FSTL5: variants seen among roughly 807,000 people sequenced by gnomAD.
FSTL5 encodes follistatin like 5.
In FSTL5, 62 loss-of-function variants were observed where a neutral mutation model predicts 89.1. That is an observed-to-expected ratio of 0.70 (90% CI 0.57 to 0.86). The LOEUF (loss-of-function observed/expected upper bound fraction) is 0.86. Ranked by LOEUF, FSTL5 falls within the 40% of genes least tolerant of loss-of-function variation. FSTL5 has a pLI of 0.00. For missense variants in FSTL5, 1,057 were observed against 1,001.6 expected, an observed-to-expected ratio of 1.06 and a Z score of -0.75; for synonymous variants, 383 against 346.2, an observed-to-expected ratio of 1.11 and a Z score of -1.18.
At chr4:161,772,787 T>C (rs1429956250) in intron 5 of FSTL5, among the ~76,000 whole-genome samples, 1 of 151,860 alleles carries the variant, frequency 6.6e-6, no homozygotes, top group Non-Finnish European at 1.5e-5. Context: ...AATCTATAAA[T>C]CCAATGCAAT....
At chr4:161,683,957 C>T (rs1353911289) in intron 6 of FSTL5, among the ~76,000 whole-genome samples, 1 of 152,154 alleles carries the variant, frequency 6.6e-6, no homozygotes, top group Admixed American at 6.5e-5. Context: ...CCTTTGCATC[C>T]TCATAGCTTA....
At chr4:161,534,703 C>T (rs1303923601) in intron 10 of FSTL5, among the ~76,000 whole-genome samples, 1 of 151,908 alleles carries the variant, frequency 6.6e-6, no homozygotes, top group African/African-American at 2.4e-5. Flanking sequence ...AATGTTGTAT[C>T]TCACAGTATT....
At chr4:161,679,882 A>G (rs1737457007) in intron 6 of FSTL5, among the ~76,000 whole-genome samples, 1 of 151,946 alleles carries the variant, frequency 6.6e-6, no homozygotes, top group African/African-American at 2.4e-5. Flanking sequence ...AGTACAAAAC[A>G]ATATTAAACA....
chr4:161,698,459 A>T (rs181520116), intron 6 of FSTL5, among the ~76,000 whole-genome samples: 1 of 152,280 alleles, frequency 6.6e-6, no homozygotes, highest in East Asian at 1.9e-4. Flanking sequence ...TAGACTTGTG[A>T]CTATAGTCAA....
chr4:161,578,141 T>C (rs1733296892), intron 8 of FSTL5, among the ~76,000 whole-genome samples: 1 of 151,824 alleles, frequency 6.6e-6, no homozygotes, highest in South Asian at 2.1e-4. Flanking sequence ...TGTCAGCGAA[T>C]AGGAAGAGAC....
At chr4:161,393,991 G>A (rs1046137932) in intron 15 of FSTL5, among the ~76,000 whole-genome samples, 50 of 152,124 alleles carry the variant, frequency 3.3e-4, no homozygotes, top group African/African-American at 1.1e-3. Context: ...GGATGGAAAC[G>A]CAAAACAGCA....
chr4:161,736,462 A>G (rs1376493214), intron 6 of FSTL5, among the ~76,000 whole-genome samples: 1 of 152,162 alleles, frequency 6.6e-6, no homozygotes, highest in Admixed American at 6.6e-5. Context: ...CATCTAATAT[A>G]TTTTGCACTA....
intron 6 of FSTL5, among the ~76,000 whole-genome samples, chr4:161,730,681 G>A (rs1739577640): frequency 6.6e-6 from 1 of 152,062 alleles, no homozygotes; most frequent in African/African-American, 2.4e-5. Context: ...TCCTTTCTCT[G>A]AAATGATACA....
intron 1 of FSTL5, among the ~76,000 whole-genome samples, chr4:162,139,092 T>A (rs994184870): frequency 6.6e-6 from 1 of 152,088 alleles, no homozygotes; most frequent in East Asian, 1.9e-4. Flanking sequence ...TACTTGTTTT[T>A]TAAATTTTAC....
rs146071880 is a variant in FSTL5, at chr4:162,139,267, A to G, written c.-17+24348T>C. Among the ~76,000 whole-genome samples, 1,099 of 152,112 alleles carry G rather than the reference A, an allele frequency of 7.2e-3. 9 individuals are homozygous for G. The highest frequency in any genetic ancestry group is 0.011 in the Non-Finnish European group (780 of 67,938). Reference sequence around the variant, plus strand: ...TGGAAACCATTTTGGAGTCCCCAGTATCTATTATCTCTATCTTTATGGCCA... The same window carrying G: ...TGGAAACCATTTTGGAGTCCCCAGTGTCTATTATCTCTATCTTTATGGCCA... On this transcript the variant is annotated intron_variant, in intron 1 of 15. Coordinates refer to ENST00000306100, the MANE Select transcript of FSTL5 (RefSeq NM_020116.5).
intron 15 of FSTL5, among the ~76,000 whole-genome samples, chr4:161,417,162 C>A (rs1293631557): frequency 6.6e-6 from 1 of 152,188 alleles, no homozygotes; most frequent in Non-Finnish European, 1.5e-5. Flanking sequence ...ATTCAACAGT[C>A]TCTTTTTATG....
intron 8 of FSTL5, among the ~76,000 whole-genome samples, chr4:161,581,259 T>G (rs566203715): frequency 6.6e-6 from 1 of 152,282 alleles, no homozygotes; most frequent in South Asian, 2.1e-4. Context: ...ACCTGAGAAT[T>G]TGCCTTTAAA....
chr4:161,469,547 C>T (rs1368162569), intron 13 of FSTL5, among the ~76,000 whole-genome samples: 1 of 152,026 alleles, frequency 6.6e-6, no homozygotes, highest in African/African-American at 2.4e-5. Context: ...CTAATGATTA[C>T]TTATATTGGT....
In FSTL5 at chr4:161,422,370, T is replaced by A. The variant is rs547740175; in HGVS notation, c.1841+32634A>T. ...CGATGTAAAGAGCGTCTACTATTAC[T>A]ACTATTGATATTTTAATGAGAGTCA... On this transcript the variant is annotated intron_variant, in intron 15 of 15. Coordinates refer to ENST00000306100, the MANE Select transcript of FSTL5 (RefSeq NM_020116.5). Among the ~76,000 whole-genome samples the A allele has an allele frequency of 2.4e-4, 36 of 152,300 alleles. 1 individual carries two copies. Among genetic ancestry groups the A allele is most frequent in the Admixed American group, 2.1e-3 (32 of 15,290 alleles).
intron 8 of FSTL5, among the ~76,000 whole-genome samples, chr4:161,561,069 T>A (rs1174821417): frequency 6.6e-6 from 1 of 152,036 alleles, no homozygotes; most frequent in African/African-American, 2.4e-5. Context: ...GACATTACAA[T>A]AGCTACGACG....
chr4:161,600,745 A>G (rs1734201682), intron 7 of FSTL5, among the ~76,000 whole-genome samples: 1 of 152,154 alleles, frequency 6.6e-6, no homozygotes, highest in African/African-American at 2.4e-5. Flanking sequence ...TGGCCCAAAA[A>G]ACCTAAAATC....
At chr4:162,141,106 C>CTTTTTTTTTT (rs3032092) in intron 1 of FSTL5, among the ~76,000 whole-genome samples, 1 of 44,008 alleles carries the variant, frequency 2.3e-5, no homozygotes, top group African/African-American at 8.9e-5. Context: ...TCCCTTCTCT[C>CTTTTTTTTTT]TTTTTTTTTT....
chr4:161,868,342 C>A (rs148183421), intron 4 of FSTL5, among the ~76,000 whole-genome samples: 1 of 152,128 alleles, frequency 6.6e-6, no homozygotes, highest in South Asian at 2.1e-4. Flanking sequence ...GACAAAAATA[C>A]GGTTGTCACC....
At chr4:162,127,155 C>T (rs752548263) in intron 1 of FSTL5, among the ~76,000 whole-genome samples, 1 of 152,156 alleles carries the variant, frequency 6.6e-6, no homozygotes, top group Non-Finnish European at 1.5e-5. Context: ...AGAAAGTTGT[C>T]TTCCCCATTT....
Sources: gnomAD v4.1 joint callset for allele counts (sites outside exome capture counted in the v4.1 genomes callset) on GRCh38, gnomAD v4.1.1 for gene constraint, MANE v1.5 for transcripts, NCBI Gene and HGNC (gene_info 2026-07-23, HGNC 2026-07-21) for gene names.